The following RBFOX1 variants were observed in gnomAD, a reference collection of about 807,000 sequenced individuals.
The protein encoded by RBFOX1 is RNA binding protein fox-1 homolog 1.
Under a neutral mutation model 57.7 loss-of-function variants are expected in RBFOX1, and 8 were observed. That is an observed-to-expected ratio of 0.14 (90% CI 0.08 to 0.25). RBFOX1 has a LOEUF of 0.25. Among genes scored for constraint, RBFOX1 ranks in the 10% least tolerant of loss-of-function variants. The pLI, the probability that RBFOX1 is intolerant of heterozygous loss-of-function variation, is 1.00. For synonymous variants in RBFOX1, 326 were observed against 222.4 expected, an observed-to-expected ratio of 1.47 and a Z score of -4.15; for missense variants, 611 against 548.5, an observed-to-expected ratio of 1.11 and a Z score of -1.14.
At chr16:7,264,937 A>C (rs112403062) in intron 4 of RBFOX1, among the ~76,000 whole-genome samples, 205 of 152,338 alleles carry the variant, frequency 1.3e-3, no homozygotes, top group Non-Finnish European at 1.6e-3. Context: ...CAAGAGTCCA[A>C]CACTTTCCAT....
chr16:5,570,557 G>A (rs2046246560), intron 2 of RBFOX1, among the ~76,000 whole-genome samples: 3 of 152,080 alleles, frequency 2.0e-5, no homozygotes, highest in South Asian at 4.1e-4. Context: ...CAAGCATTTC[G>A]GGTTGGATGT....
At chr16:6,483,149 C>T in intron 2 of RBFOX1, 4 of 1,071,332 alleles carry the variant, frequency 3.7e-6, no homozygotes, top group Non-Finnish European at 3.4e-6. Context: ...CAAGAGTTTG[C>T]AAAAACATTG....
At chr16:5,594,496 A>G (rs1312559001) in intron 2 of RBFOX1, among the ~76,000 whole-genome samples, 1 of 152,206 alleles carries the variant, frequency 6.6e-6, no homozygotes, top group African/African-American at 2.4e-5. Context: ...GACATAAGAC[A>G]TCAATGCATA....
intron 3 of RBFOX1, among the ~76,000 whole-genome samples, chr16:6,941,870 C>T (rs994686770): frequency 5.9e-5 from 9 of 152,036 alleles, no homozygotes; most frequent in Non-Finnish European, 2.9e-5. Flanking sequence ...GCAGTAAGTG[C>T]AATCATAACT....
chr16:5,958,804 T>C (rs2059695662), intron 4 of RBFOX1, among the ~76,000 whole-genome samples: 1 of 152,182 alleles, frequency 6.6e-6, no homozygotes, highest in Non-Finnish European at 1.5e-5. Flanking sequence ...GGTAGCCACA[T>C]CACGCTAATC....
intron 3 of RBFOX1, among the ~76,000 whole-genome samples, chr16:6,658,893 G>A (rs929942812): frequency 2.0e-5 from 3 of 150,484 alleles, no homozygotes; most frequent in Non-Finnish European, 4.5e-5. Flanking sequence ...TTAATAGGAA[G>A]CAGGAGCACA....
intron 3 of RBFOX1, among the ~76,000 whole-genome samples, chr16:5,775,636 T>C (rs2054121692): frequency 6.6e-6 from 1 of 152,216 alleles, no homozygotes; most frequent in South Asian, 2.1e-4. Flanking sequence ...TTCATCCACC[T>C]GAACATGGCC....
At chr16:7,270,112 C>T (rs868574868) in intron 4 of RBFOX1, among the ~76,000 whole-genome samples, 2 of 152,148 alleles carry the variant, frequency 1.3e-5, no homozygotes, top group Admixed American at 6.5e-5. Flanking sequence ...GCTAATACTT[C>T]TCGTTGAGAG....
intron 4 of RBFOX1, among the ~76,000 whole-genome samples, chr16:7,435,996 G>A (rs1039596621): frequency 1.3e-5 from 2 of 152,012 alleles, no homozygotes; most frequent in Non-Finnish European, 2.9e-5. Context: ...TTTTCTCTGC[G>A]CTGTGATCTT....
At chr16:5,943,392 C>G (rs1000952944) in intron 4 of RBFOX1, among the ~76,000 whole-genome samples, 3 of 152,130 alleles carry the variant, frequency 2.0e-5, no homozygotes, top group African/African-American at 7.2e-5. Context: ...TTCCCTGGGT[C>G]CACATACCCA....
chr16:5,361,340 C>G (rs1358567035), intron 1 of RBFOX1, among the ~76,000 whole-genome samples: 1 of 152,182 alleles, frequency 6.6e-6, no homozygotes, highest in African/African-American at 2.4e-5. Context: ...AGTGGGCCAA[C>G]TAGGTAGTTA....
At chr16:7,178,812 A>T (rs1230170320) in intron 4 of RBFOX1, among the ~76,000 whole-genome samples, 3 of 152,190 alleles carry the variant, frequency 2.0e-5, no homozygotes, top group African/African-American at 7.2e-5. Context: ...ATCGGGTTTC[A>T]CACCTGTTAT....
intron 3 of RBFOX1, among the ~76,000 whole-genome samples, chr16:6,902,753 C>G (rs1175718853): frequency 3.9e-5 from 6 of 152,118 alleles, no homozygotes; most frequent in Non-Finnish European, 8.8e-5. Flanking sequence ...CCATACACAT[C>G]AAGTTTTAAA....
chr16:5,415,459 C>G (rs2067137020), intron 1 of RBFOX1, among the ~76,000 whole-genome samples: 1 of 152,148 alleles, frequency 6.6e-6, no homozygotes, highest in African/African-American at 2.4e-5. Flanking sequence ...GACACAGAGC[C>G]AAACCATATC....
At chr16:6,350,908 T>C (rs2086239745) in intron 2 of RBFOX1, among the ~76,000 whole-genome samples, 1 of 152,254 alleles carries the variant, frequency 6.6e-6, no homozygotes, top group African/African-American at 2.4e-5. Flanking sequence ...GGCACTCTTC[T>C]GCCTCCCTTA....
intron 12 of RBFOX1, among the ~76,000 whole-genome samples, chr16:7,661,166 C>T (rs899068688): frequency 3.3e-5 from 5 of 152,244 alleles, no homozygotes; most frequent in South Asian, 2.1e-4. Flanking sequence ...TTCACACTGC[C>T]GGTGAGGATG....
intron 1 of RBFOX1, among the ~76,000 whole-genome samples, chr16:6,253,646 T>C (rs1468542903): frequency 6.7e-6 from 1 of 150,368 alleles, no homozygotes. Context: ...TAGATAATAG[T>C]TAAAAGAAAT....
At chr16:6,322,058 C>A (rs12934591) in intron 2 of RBFOX1, among the ~76,000 whole-genome samples, 3 of 152,114 alleles carry the variant, frequency 2.0e-5, no homozygotes, top group Admixed American at 2.0e-4. Flanking sequence ...GCCTTAGTTA[C>A]TAACATTGTC....
At chr16:7,276,537 G>A (rs2095443626) in intron 4 of RBFOX1, among the ~76,000 whole-genome samples, 1 of 152,112 alleles carries the variant, frequency 6.6e-6, no homozygotes, top group South Asian at 2.1e-4. Context: ...TAAGTAGGAG[G>A]CTTCTATCCT....
Sources: gnomAD v4.1 joint callset for allele counts (sites outside exome capture counted in the v4.1 genomes callset) on GRCh38, gnomAD v4.1.1 for gene constraint, MANE v1.5 for transcripts, NCBI Gene and HGNC (gene_info 2026-07-23, HGNC 2026-07-21) for gene names.